Variants in RBFOX1 observed in about 807,000 individuals in gnomAD.
RBFOX1 encodes the protein RNA binding protein fox-1 homolog 1.
Under a neutral mutation model 57.7 loss-of-function variants are expected in RBFOX1, and 8 were observed. The observed-to-expected ratio is 0.14, with a 90% CI of 0.08 to 0.25. The LOEUF is 0.25. Among genes scored for constraint, RBFOX1 ranks in the 10% least tolerant of loss-of-function variants. The pLI is 1.00. For missense variants in RBFOX1, 611 were observed against 548.5 expected (o/e 1.11, Z -1.14); for synonymous variants, 326 against 222.4 (o/e 1.47, Z -4.15).
chr16:6,171,839 T>A (rs1427308674), intron 1 of RBFOX1, among the ~76,000 whole-genome samples: 1 of 152,200 alleles, frequency 6.6e-6, no homozygotes, highest in South Asian at 2.1e-4. Context: ...TTTATTCTTT[T>A]AAGACAGAGT....
rs1371415321 is a variant in RBFOX1, at chr16:6,141,184, C to T, written c.-127+121192C>T. On this transcript the variant is annotated intron_variant, in intron 1 of 15. Transcript: ENST00000550418. ...ATTTCCCTGCAGTACCTTAGCCCAT[C>T]ACCATGGCCGCTGCTTTTGGAGCAC... Among the ~76,000 whole-genome samples the T allele has an allele frequency of 2.6e-5, 4 of 152,228 alleles. No individual in the cohort carries two copies. In the East Asian group the frequency reaches 7.7e-4, roughly 29 times the overall value.
At chr16:7,513,061 C>G (rs369289819) in intron 4 of RBFOX1, among the ~76,000 whole-genome samples, 107 of 122,592 alleles carry the variant, frequency 8.7e-4, no homozygotes, top group African/African-American at 3.1e-3. Flanking sequence ...GCCAGCAGTT[C>G]GGGACCAGCC....
chr16:6,976,148 AAAAAAACTAGCATTAACTGGTGCTTTGCT>A (rs2086793980), intron 3 of RBFOX1, among the ~76,000 whole-genome samples: 1 of 151,342 alleles, frequency 6.6e-6, no homozygotes, highest in East Asian at 1.9e-4. Flanking sequence ...AGAAACAAAC[AAAAAAACTAGCATTAACTGGTGCTTTGCT>A]ATGATTTCTA....
In RBFOX1 at chr16:5,947,551, A is replaced by C. The variant is rs2059425450; in HGVS notation, c.351+80216A>C. Among the ~76,000 whole-genome samples, 1 of 152,136 alleles carries C rather than the reference A, an allele frequency of 6.6e-6. No individual in the cohort carries two copies. The highest frequency in any genetic ancestry group is 2.4e-5 in the African/African-American group (1 of 41,422). On this transcript the variant is annotated intron_variant, in intron 4 of 19. Coordinates refer to the RBFOX1 transcript ENST00000641259. This position sits in a 1 kb window ranked among gnomAD's most constrained non-coding sequence, Gnocchi z 7.2. The stretch of plus-strand genomic sequence containing the variant: ...TTGCCTAGGCTGGTGTCAGACTCCT[A>C]GCCCCAAGCAATTCTCACATATCAG...
intron 4 of RBFOX1, among the ~76,000 whole-genome samples, chr16:5,967,031 C>T (rs966439223): frequency 6.8e-6 from 1 of 147,712 alleles, no homozygotes; most frequent in Non-Finnish European, 1.5e-5. Context: ...CAGGTGCCAC[C>T]TGTTTTTGTA....
chr16:6,961,724 A>T (rs1479815856), intron 3 of RBFOX1, among the ~76,000 whole-genome samples: 10 of 152,142 alleles, frequency 6.6e-5, no homozygotes, highest in Non-Finnish European at 1.3e-4. Context: ...TTTAGACCAT[A>T]TAGGGTAGCT....
intron 1 of RBFOX1, among the ~76,000 whole-genome samples, chr16:6,162,225 C>T (rs1041286739): frequency 6.6e-6 from 1 of 152,124 alleles, no homozygotes; most frequent in Non-Finnish European, 1.5e-5. Context: ...TCAAGCAATT[C>T]ACCTGTGTCA....
chr16:5,500,528 C>T (rs1344998156), intron 2 of RBFOX1, among the ~76,000 whole-genome samples: 5 of 152,110 alleles, frequency 3.3e-5, no homozygotes, highest in East Asian at 1.9e-4. Context: ...GGCCGAGTAT[C>T]AGGCTTTCAA....
At chr16:5,739,990 A>G (rs977781710) in intron 3 of RBFOX1, among the ~76,000 whole-genome samples, 9 of 152,356 alleles carry the variant, frequency 5.9e-5, no homozygotes, top group African/African-American at 1.9e-4. Flanking sequence ...GGGAGGGATC[A>G]GTGTGGCCAG....
Position 5,465,435 on chromosome 16 carries a change from C to A in RBFOX1, c.220-1781C>A, listed in dbSNP as rs114715958. Among the ~76,000 whole-genome samples, 744 of 152,278 alleles carry A rather than the reference C, an allele frequency of 4.9e-3. 4 individuals are homozygous for A. Among genetic ancestry groups the A allele is most frequent in the African/African-American group, 0.017 (718 of 41,554 alleles). On this transcript the variant is annotated intron_variant, in intron 1 of 2. Transcript: ENST00000585867. ...TTCAGAAGTCCTAGATTTGGGGTTG[C>A]AAACACAGGAGTTTTGTGGGGCGGG...
At position 6,904,468 on chromosome 16, in the gene RBFOX1, G is replaced by A. The variant is rs935081692; in HGVS notation, c.-15-147589G>A. 2.0e-5 allele frequency among the ~76,000 whole-genome samples: 3 copies of A among 151,902 alleles called. No homozygotes were observed. The East Asian group carries it at 5.8e-4, about 29-fold the overall frequency. ...GTACAAAAATGAGCTAGGTGTGGTG[G>A]TGGGTGCCTGTAATCCCAGCTACTC... On this transcript the variant is annotated intron_variant, in intron 3 of 15. Coordinates refer to ENST00000550418, the MANE Select transcript of RBFOX1 (RefSeq NM_018723.4).
chr16:5,702,778 G>A (rs770896958), intron 3 of RBFOX1, among the ~76,000 whole-genome samples: 2 of 152,110 alleles, frequency 1.3e-5, no homozygotes, highest in African/African-American at 2.4e-5. Context: ...CTTGGGGGTT[G>A]GCAAGTAGTG....
At chr16:5,882,934 A>G (rs1318213826) in intron 4 of RBFOX1, among the ~76,000 whole-genome samples, 1 of 152,232 alleles carries the variant, frequency 6.6e-6, no homozygotes, top group Non-Finnish European at 1.5e-5. Flanking sequence ...AATATTTAAA[A>G]TGCAGTCTAT....
chr16:6,808,329 T>G (rs547432314), intron 3 of RBFOX1, among the ~76,000 whole-genome samples: 182 of 152,096 alleles, frequency 1.2e-3, no homozygotes, highest in African/African-American at 4.1e-3. Flanking sequence ...CTGATTCCCA[T>G]CTGATTATGC....
chr16:6,986,158 C>T (rs964832197), intron 3 of RBFOX1, among the ~76,000 whole-genome samples: 7 of 119,458 alleles, frequency 5.9e-5, no homozygotes, highest in African/African-American at 1.2e-4. Context: ...CCCTTATATA[C>T]GTCTACCAGA....
At position 7,396,132 on chromosome 16, in the gene RBFOX1, A is replaced by G. The variant is rs888627544; in HGVS notation, c.28-122015A>G. Among the ~76,000 whole-genome samples the G allele has an allele frequency of 2.6e-5, 4 of 152,190 alleles. No individual in the cohort carries two copies. In the East Asian group the frequency reaches 7.8e-4, roughly 30 times the overall value. ...GGGGATTGAGGGCTGTTCTTTTGCC[A>G]ATAACCAGGGCGGAAGGAGGACGAG... is the stretch of plus-strand genomic sequence containing the variant. On this transcript the variant is annotated intron_variant, in intron 4 of 15. Coordinates refer to ENST00000550418, the MANE Select transcript of RBFOX1 (RefSeq NM_018723.4).
rs118111709 is a variant in RBFOX1 at position 6,134,677 on chromosome 16, C to G, written c.-127+114685C>G. ...GCCCAGCAATCTTTGTGCTTGAACT[C>G]AGAGTATTTTTTTTTTTTGAAATGG... On this transcript the variant is annotated intron_variant, in intron 1 of 15. Coordinates refer to ENST00000550418, the MANE Select transcript of RBFOX1 (RefSeq NM_018723.4). Among the ~76,000 whole-genome samples, 91 of 139,908 alleles carry G rather than the reference C, an allele frequency of 6.5e-4. No individual in the cohort carries two copies. The East Asian group carries it at 0.017, about 27-fold the overall frequency. 91.8% of individuals were successfully genotyped at this position (139,908 alleles called of 152,430 possible). A position where few individuals can be genotyped will look rare whatever the true frequency, so the allele number is the denominator to read the frequency against.
chr16:6,760,764 G>C (rs1056778796), intron 3 of RBFOX1, among the ~76,000 whole-genome samples: 1 of 152,218 alleles, frequency 6.6e-6, no homozygotes, highest in Non-Finnish European at 1.5e-5. Context: ...GCAAGATGCA[G>C]AGATGAGCAG....
At chr16:7,483,892 C>G (rs908031298) in intron 4 of RBFOX1, among the ~76,000 whole-genome samples, 1 of 150,952 alleles carries the variant, frequency 6.6e-6, no homozygotes, top group Non-Finnish European at 1.5e-5. Flanking sequence ...CAATCTAATT[C>G]ATCCGCTTAA....
Sources: allele counts gnomAD v4.1 joint callset (sites outside exome capture counted in the v4.1 genomes callset), GRCh38; gene constraint gnomAD v4.1.1; non-coding constraint Gnocchi (gnomAD v3.1); transcripts MANE v1.5; gene names NCBI Gene and HGNC (gene_info 2026-07-23, HGNC 2026-07-21).